The following DCUN1D2 variants were observed in gnomAD, a reference collection of about 807,000 sequenced individuals.
DCUN1D2 encodes DCN1-like protein 2.
A neutral mutation model predicts 30.9 loss-of-function variants in DCUN1D2; 29 were observed. That is an observed-to-expected ratio of 0.94 (90% confidence interval 0.70 to 1.28). The LOEUF (loss-of-function observed/expected upper bound fraction) is 1.28. Among genes scored for constraint, DCUN1D2 ranks in the 50% most tolerant of loss-of-function variants. The pLI is 0.00. For missense variants in DCUN1D2, 325 were observed against 316.9 expected (o/e 1.03, Z -0.19); for synonymous variants, 121 against 115.3 (o/e 1.05, Z -0.32).
intron 1 of DCUN1D2, among the ~76,000 whole-genome samples, chr13:113,487,764 A>G (rs1385526981): frequency 6.6e-6 from 1 of 152,226 alleles, no homozygotes; most frequent in Non-Finnish European, 1.5e-5. Flanking sequence ...ATGTTTTAGG[A>G]CTAGATAGAG....
At chr13:113,472,836 A>G (rs2044545540) in intron 4 of DCUN1D2, among the ~76,000 whole-genome samples, 1 of 152,200 alleles carries the variant, frequency 6.6e-6, no homozygotes, top group Non-Finnish European at 1.5e-5. Flanking sequence ...CGAGGGCCCA[A>G]CAGGCCCCAG....
At chr13:113,489,664 C>G (rs1344693312) in intron 1 of DCUN1D2, among the ~76,000 whole-genome samples, 1 of 152,154 alleles carries the variant, frequency 6.6e-6, no homozygotes, top group Non-Finnish European at 1.5e-5. Context: ...CCAGGACAAT[C>G]TTTCAGCTCC....
At chr13:113,478,723 A>G (rs996565459) in intron 3 of DCUN1D2, among the ~76,000 whole-genome samples, 2 of 152,162 alleles carry the variant, frequency 1.3e-5, no homozygotes, top group Non-Finnish European at 2.9e-5. Flanking sequence ...AGAGGTATGC[A>G]ATATCCACAC....
intron 1 of DCUN1D2, among the ~76,000 whole-genome samples, chr13:113,487,891 C>T (rs1446696909): frequency 6.6e-6 from 1 of 152,144 alleles, no homozygotes; most frequent in Non-Finnish European, 1.5e-5. Flanking sequence ...TACCCTCAGA[C>T]CCTCCAAGAC....
intron 4 of DCUN1D2, among the ~76,000 whole-genome samples, chr13:113,463,772 A>C (rs961137088): frequency 7.3e-6 from 1 of 137,898 alleles, no homozygotes; most frequent in Non-Finnish European, 1.6e-5. Context: ...ACACAGACAC[A>C]CACAGACACA....
At chr13:113,464,840 G>A (rs766273426) in intron 4 of DCUN1D2, among the ~76,000 whole-genome samples, 29 of 152,362 alleles carry the variant, frequency 1.9e-4, no homozygotes, top group African/African-American at 6.3e-4. Flanking sequence ...TGTTTGCTGC[G>A]CAGTCATTAC....
chr13:113,477,200 T>A (rs1566502351), intron 3 of DCUN1D2, among the ~76,000 whole-genome samples: 1 of 152,224 alleles, frequency 6.6e-6, no homozygotes, highest in Non-Finnish European at 1.5e-5. Context: ...TTGGGATTTT[T>A]AAATTGAGAT....
chr13:113,473,459 C>T (rs909052244), intron 4 of DCUN1D2, among the ~76,000 whole-genome samples: 2 of 152,134 alleles, frequency 1.3e-5, no homozygotes, highest in Admixed American at 6.5e-5. Context: ...AAATGGAGTA[C>T]AGTATTTTAA....
intron 3 of DCUN1D2, 66 bp from the exon 4 acceptor site, chr13:113,474,320 C>T (rs1461570915): frequency 1.3e-6 from 2 of 1,586,284 alleles, no homozygotes; most frequent in Non-Finnish European, 8.6e-7. Context: ...CCCTTGTGCC[C>T]TGTGCAGGAA....
chr13:113,474,427 G>A (rs577199390), intron 3 of DCUN1D2, among the ~76,000 whole-genome samples, 173 bp from the exon 4 acceptor site: 1 of 152,106 alleles, frequency 6.6e-6, no homozygotes, highest in Non-Finnish European at 1.5e-5. Context: ...AAGAGAAGAT[G>A]GGGGGGCAAC....
At chr13:113,486,329 C>G (rs1194020694) in intron 1 of DCUN1D2, among the ~76,000 whole-genome samples, 2 of 152,166 alleles carry the variant, frequency 1.3e-5, no homozygotes, top group Non-Finnish European at 2.9e-5. Context: ...AAAGGACCAA[C>G]AGACACCAGG....
chr13:113,463,961 C>A (rs2044360943), intron 4 of DCUN1D2, among the ~76,000 whole-genome samples: 1 of 152,208 alleles, frequency 6.6e-6, no homozygotes, highest in African/African-American at 2.4e-5. Context: ...CCTCACAAGA[C>A]CGACCACATC....
At chr13:113,481,730 A>G (rs1365614713) in intron 2 of DCUN1D2, among the ~76,000 whole-genome samples, 1 of 152,180 alleles carries the variant, frequency 6.6e-6, no homozygotes, top group Non-Finnish European at 1.5e-5. Flanking sequence ...CTAAAAATAC[A>G]AAAATTAACT....
At chr13:113,482,672 C>T (rs140390838) in intron 2 of DCUN1D2, among the ~76,000 whole-genome samples, 10 of 152,230 alleles carry the variant, frequency 6.6e-5, no homozygotes, top group Non-Finnish European at 1.0e-4. Flanking sequence ...TGGCTGGGTG[C>T]GGTGCCTCAT....
chr13:113,460,703 C>T (rs779631379), intron 5 of DCUN1D2, among the ~76,000 whole-genome samples: 9 of 152,194 alleles, frequency 5.9e-5, no homozygotes, highest in Non-Finnish European at 8.8e-5. Context: ...GTCGAGGATT[C>T]GGAGTTCTCA....
intron 3 of DCUN1D2, among the ~76,000 whole-genome samples, chr13:113,478,370 C>T (rs536754819): frequency 1.3e-5 from 2 of 151,440 alleles, no homozygotes; most frequent in South Asian, 2.1e-4. Flanking sequence ...CCTATTATCT[C>T]GTCCCCCTTT....
chr13:113,461,463 A>C (rs528970590), intron 4 of DCUN1D2, among the ~76,000 whole-genome samples: 10 of 152,296 alleles, frequency 6.6e-5, no homozygotes, highest in African/African-American at 2.4e-4. Flanking sequence ...GATACTATTA[A>C]TGCGTATCAT....
chr13:113,459,595 A>C (rs564088799), intron 5 of DCUN1D2, 187 bp from the exon 6 acceptor site: 1 of 446,364 alleles, frequency 2.2e-6, no homozygotes, highest in African/African-American at 2.0e-5. Flanking sequence ...TAATGTCCAA[A>C]TATAGAAAGC....
In DCUN1D2 at chr13:113,456,092, C is replaced by T. The variant is rs13705; in HGVS notation, c.*1937G>A. 0.033 allele frequency: 12,925 copies of T among 397,418 alleles called. 442 individuals carry two copies. Among genetic ancestry groups the T allele is most frequent in the East Asian group, 0.14 (3,810 of 28,058 alleles). 24.6% of individuals were successfully genotyped at this position (397,418 alleles called of 1,614,324 possible). A position where few individuals can be genotyped will look rare whatever the true frequency, so the allele number is the denominator to read the frequency against. On this transcript the variant is annotated 3_prime_UTR_variant, in exon 7 of 7. Transcript: ENST00000478244. ...AAGAATCCATGAAGCCTGGAAGATA[C>T]GCTCACGTTTTTGAGGTTTGTATTA... is the stretch of plus-strand genomic sequence containing the variant.
Sources: gnomAD v4.1 joint callset for allele counts (sites outside exome capture counted in the v4.1 genomes callset) on GRCh38, gnomAD v4.1.1 for gene constraint, MANE v1.5 for transcripts, NCBI Gene and HGNC (gene_info 2026-07-23, HGNC 2026-07-21) for gene names.